Variants in JAM3 observed in about 807,000 individuals in gnomAD.
The protein encoded by JAM3 is junctional adhesion molecule 3.
Under a neutral mutation model 39.4 loss-of-function variants are expected in JAM3, and 31 were observed. That is an observed-to-expected ratio of 0.79 (90% CI 0.59 to 1.06). The LOEUF (loss-of-function observed/expected upper bound fraction) is 1.06. Ranked by LOEUF, JAM3 falls within the 50% of genes least tolerant of loss-of-function variation. The pLI is 0.00. For missense variants in JAM3, 455 were observed against 391.4 expected (o/e 1.16, Z -1.37); for synonymous variants, 182 against 148.7 (o/e 1.22, Z -1.63).
chr11:134,097,537 G>A (rs1029433481), intron 1 of JAM3, among the ~76,000 whole-genome samples: 1 of 152,112 alleles, frequency 6.6e-6, no homozygotes, highest in Non-Finnish European at 1.5e-5. Context: ...ACATCTTATT[G>A]ATACTGGGTT....
chr11:134,092,221 G>C (rs1036809146), intron 1 of JAM3, among the ~76,000 whole-genome samples: 1 of 152,098 alleles, frequency 6.6e-6, no homozygotes, highest in Non-Finnish European at 1.5e-5. Context: ...GAGCTGTTGC[G>C]TGTGCTGCCC....
chr11:134,089,726 G>T (rs1322469931), intron 1 of JAM3, among the ~76,000 whole-genome samples: 1 of 152,154 alleles, frequency 6.6e-6, no homozygotes, highest in Admixed American at 6.5e-5. Context: ...CATTTGGGTT[G>T]GTTCCAAGTC....
chr11:134,148,455 T>TA (rs1943119822), intron 6 of JAM3, 92 bp from the exon 7 acceptor site: 6 of 1,570,762 alleles, frequency 3.8e-6, no homozygotes. Flanking sequence ...CAAGTGGGTT[T>TA]GGGGTGAAGG....
chr11:134,123,879 C>T (rs944478144), intron 1 of JAM3: 1 of 881,494 alleles, frequency 1.1e-6, no homozygotes, highest in East Asian at 2.4e-5. Flanking sequence ...CATCTTAGGT[C>T]AGTATTTCTC....
chr11:134,092,894 C>A (rs1310644105), intron 1 of JAM3, among the ~76,000 whole-genome samples: 3 of 146,460 alleles, frequency 2.0e-5, no homozygotes, highest in Non-Finnish European at 4.5e-5. Flanking sequence ...TTCTCCTGAA[C>A]CCTCCTTATT....
At chr11:134,093,312 C>G (rs1461937376) in intron 1 of JAM3, among the ~76,000 whole-genome samples, 1 of 133,936 alleles carries the variant, frequency 7.5e-6, no homozygotes, top group African/African-American at 2.9e-5. Flanking sequence ...TCTTATTCAT[C>G]TTGTTCCATC....
chr11:134,130,914 G>T (rs183570271), intron 1 of JAM3, among the ~76,000 whole-genome samples: 27 of 152,294 alleles, frequency 1.8e-4, no homozygotes, highest in Admixed American at 1.4e-3. Flanking sequence ...GCTATTAAAA[G>T]CTACAGAGTG....
At chr11:134,140,151 T>TA (rs1358434312) in intron 2 of JAM3, among the ~76,000 whole-genome samples, 1 of 152,208 alleles carries the variant, frequency 6.6e-6, no homozygotes, top group Non-Finnish European at 1.5e-5. Context: ...ACACAACAAA[T>TA]AAATTTCTTT....
intron 1 of JAM3, among the ~76,000 whole-genome samples, chr11:134,078,882 T>C (rs918189149): frequency 9.2e-5 from 14 of 151,882 alleles, no homozygotes; most frequent in African/African-American, 3.4e-4. Flanking sequence ...CTACTAAAAA[T>C]AAAAAAATTA....
At chr11:134,079,489 C>T (rs1941629135) in intron 1 of JAM3, among the ~76,000 whole-genome samples, 1 of 152,106 alleles carries the variant, frequency 6.6e-6, no homozygotes, top group Admixed American at 6.5e-5. Flanking sequence ...CACTGCATCT[C>T]TGGAAGGCTC....
At chr11:134,087,896 T>C (rs1941770841) in intron 1 of JAM3, among the ~76,000 whole-genome samples, 1 of 152,234 alleles carries the variant, frequency 6.6e-6, no homozygotes, top group Admixed American at 6.5e-5. Flanking sequence ...TTTTTTGTTA[T>C]GGAGGCTGTC....
chr11:134,139,105 C>T (rs1428608627), intron 1 of JAM3, among the ~76,000 whole-genome samples: 1 of 152,148 alleles, frequency 6.6e-6, no homozygotes, highest in African/African-American at 2.4e-5. Context: ...CCTACTTGAT[C>T]TTCTCTCCAA....
chr11:134,149,636 TAC>T lies in JAM3; in HGVS notation c.*459_*460del, dbSNP rs1390794974. On this transcript the variant is annotated 3_prime_UTR_variant, in exon 9 of 9. Coordinates refer to ENST00000299106, the MANE Select transcript of JAM3 (RefSeq NM_032801.5). ...CGGCGGGAACCCAGAAAAGGCTTCT[TAC>T]ACAGCAGCCTTACTTCATCGGCCCA... 1 of 459,778 alleles carries T rather than the reference TAC, an allele frequency of 2.2e-6. No homozygotes were observed. The highest frequency in any genetic ancestry group is 2.0e-5 in the African/African-American group (1 of 50,254). 28.5% of individuals were successfully genotyped at this position (459,778 alleles called of 1,614,324 possible). A position where few individuals can be genotyped will look rare whatever the true frequency, so the allele number is the denominator to read the frequency against.
At chr11:134,079,602 C>G (rs1360990029) in intron 1 of JAM3, among the ~76,000 whole-genome samples, 3 of 152,032 alleles carry the variant, frequency 2.0e-5, no homozygotes, top group Non-Finnish European at 4.4e-5. Flanking sequence ...GCATGTGATT[C>G]ATTTTTTAGA....
rs553410471 is a variant in JAM3 at position 134,076,430 on chromosome 11, A to T, written c.76+7271A>T. Among the ~76,000 whole-genome samples the T allele has an allele frequency of 5.9e-5, 9 of 152,238 alleles. No individual in the cohort carries two copies. The South Asian group carries it at 6.2e-4, about 11-fold the overall frequency. ...TCGGCCTCCCAAAGTGCTGGATCAC[A>T]GGTGTGAGCCACCGCACCTGGCTTA... On this transcript the variant is annotated intron_variant, in intron 1 of 8. Coordinates refer to ENST00000299106, the MANE Select transcript of JAM3 (RefSeq NM_032801.5).
intron 1 of JAM3, among the ~76,000 whole-genome samples, chr11:134,084,791 A>C (rs1941721760): frequency 6.6e-6 from 1 of 152,186 alleles, no homozygotes; most frequent in South Asian, 2.1e-4. Context: ...TGTGTCCTCA[A>C]ATTTTCAAAA....
At chr11:134,139,771 G>C in intron 1 of JAM3, 80 bp from the exon 2 acceptor site, 8 of 1,075,144 alleles carry the variant, frequency 7.4e-6, no homozygotes, top group South Asian at 6.2e-5. Flanking sequence ...CTACGCAGAC[G>C]GGAAAACCTG....
At chr11:134,117,237 G>T (rs950036405) in intron 1 of JAM3, among the ~76,000 whole-genome samples, 8 of 151,976 alleles carry the variant, frequency 5.3e-5, no homozygotes, top group African/African-American at 1.9e-4. Flanking sequence ...AATAACCGGG[G>T]ATGGTGGTGG....
intron 1 of JAM3, among the ~76,000 whole-genome samples, chr11:134,136,219 C>T (rs1296188076): frequency 6.6e-6 from 1 of 152,206 alleles, no homozygotes; most frequent in Admixed American, 6.5e-5. Flanking sequence ...ACCCTTTCCT[C>T]ACTCTTAAAT....
Sources: gnomAD v4.1 joint callset for allele counts (sites outside exome capture counted in the v4.1 genomes callset) on GRCh38, gnomAD v4.1.1 for gene constraint, MANE v1.5 for transcripts, NCBI Gene and HGNC (gene_info 2026-07-23, HGNC 2026-07-21) for gene names.